The following DCC variants were observed in gnomAD, a reference collection of about 807,000 sequenced individuals.
The protein encoded by DCC is DCC netrin 1 receptor.
In DCC, 58 loss-of-function variants were observed where a neutral mutation model predicts 172.5. The ratio of observed to expected loss-of-function variants is 0.34; its 90% CI spans 0.27 to 0.42. The LOEUF (loss-of-function observed/expected upper bound fraction) is 0.42, where lower values mean the gene tolerates loss of function less well. Ranked by LOEUF, DCC falls within the 10% of genes least tolerant of loss-of-function variation. The probability of loss-of-function intolerance (pLI) is 1.00; values close to 1 mark genes in which losing one functional copy is unlikely to be tolerated. For synonymous variants in DCC, 709 were observed against 644.5 expected, an observed-to-expected ratio of 1.10 and a Z score of -1.52; for missense variants, 1,740 against 1,791.0, an observed-to-expected ratio of 0.97 and a Z score of 0.51.
chr18:52,611,136 C>T (rs1351265110), intron 1 of DCC, among the ~76,000 whole-genome samples: 1 of 152,104 alleles, frequency 6.6e-6, no homozygotes, highest in Admixed American at 6.5e-5. Flanking sequence ...TCAGTGACCC[C>T]CCCCTCCTGA....
At chr18:53,002,449 A>T (rs1430058519) in intron 5 of DCC, among the ~76,000 whole-genome samples, 1 of 152,140 alleles carries the variant, frequency 6.6e-6, no homozygotes, top group Non-Finnish European at 1.5e-5. Flanking sequence ...GGTTAAGGTG[A>T]CACTGCTGCA....
intron 7 of DCC, among the ~76,000 whole-genome samples, chr18:53,071,931 C>G (rs538457631): frequency 2.6e-5 from 4 of 152,012 alleles, no homozygotes; most frequent in Non-Finnish European, 5.9e-5. Flanking sequence ...GAGTTTGAGA[C>G]CAAACTGGCC....
chr18:53,443,744 G>A (rs1016936540), intron 22 of DCC, among the ~76,000 whole-genome samples: 1 of 152,194 alleles, frequency 6.6e-6, no homozygotes, highest in African/African-American at 2.4e-5. Context: ...ATGGGAAAAA[G>A]TCAAAATATT....
Position 53,482,294 on chromosome 18 carries a change from TAATG to T in DCC, c.3737-4500_3737-4497del, listed in dbSNP as rs148323250. 1.7e-3 allele frequency among the ~76,000 whole-genome samples: 256 copies of T among 152,266 alleles called. 2 individuals carry two copies. The highest frequency in any genetic ancestry group is 6.0e-3 in the African/African-American group (250 of 41,584). The stretch of plus-strand genomic sequence containing the variant: ...GGCTATTCTATCTGATGTCACAAAA[TAATG>T]AACACTTTTGAGATGCAGAAACATA... On this transcript the variant is annotated intron_variant, in intron 25 of 28. Transcript: ENST00000442544.
intron 25 of DCC, among the ~76,000 whole-genome samples, chr18:53,471,753 T>C (rs972401259): frequency 4.6e-5 from 7 of 152,148 alleles, no homozygotes; most frequent in African/African-American, 1.4e-4. Context: ...CCCCATTTCT[T>C]TCAGGTCTCT....
At chr18:52,408,240 T>G (rs1031971498) in intron 1 of DCC, among the ~76,000 whole-genome samples, 1 of 152,052 alleles carries the variant, frequency 6.6e-6, no homozygotes, top group Non-Finnish European at 1.5e-5. Flanking sequence ...AAAATCCAGA[T>G]TTTTTTAAGA....
At chr18:53,300,962 A>ATTCT (rs372885437) in intron 12 of DCC, among the ~76,000 whole-genome samples, 3,006 of 120,288 alleles carry the variant, frequency 0.025, 160 homozygotes, top group African/African-American at 0.08. Flanking sequence ...TTCTGGATTC[A>ATTCT]TTCTTTCTTT....
At chr18:53,346,424 T>C (rs997036507) in intron 15 of DCC, among the ~76,000 whole-genome samples, 7 of 152,184 alleles carry the variant, frequency 4.6e-5, no homozygotes, top group African/African-American at 1.7e-4. Context: ...TTTTAGACAT[T>C]TGAATTTTAT....
At chr18:53,440,711 G>C (rs1205067765) in intron 22 of DCC, among the ~76,000 whole-genome samples, 1 of 152,028 alleles carries the variant, frequency 6.6e-6, no homozygotes, top group Non-Finnish European at 1.5e-5. Context: ...AAGATAACTA[G>C]AGTAATCTGA....
chr18:53,338,580 G>A (rs1350950852), intron 14 of DCC, among the ~76,000 whole-genome samples: 4 of 152,158 alleles, frequency 2.6e-5, no homozygotes, highest in East Asian at 1.9e-4. Flanking sequence ...TAGCCTGGGC[G>A]ACAGAGTGAG....
At chr18:52,880,509 C>T (rs1373033874) in intron 2 of DCC, among the ~76,000 whole-genome samples, 2 of 152,142 alleles carry the variant, frequency 1.3e-5, no homozygotes, top group Non-Finnish European at 2.9e-5. Flanking sequence ...CCCCTGAAAC[C>T]CCTACTACCT....
chr18:53,053,200 A>G (rs2042357867), intron 5 of DCC, among the ~76,000 whole-genome samples: 1 of 151,846 alleles, frequency 6.6e-6, no homozygotes, highest in Non-Finnish European at 1.5e-5. Context: ...GAAAAGGAAA[A>G]CTTGGGGCTA....
intron 7 of DCC, among the ~76,000 whole-genome samples, chr18:53,154,727 C>T (rs1309885449): frequency 1.3e-5 from 2 of 152,036 alleles, no homozygotes; most frequent in Non-Finnish European, 2.9e-5. Context: ...AGTCAGGAAT[C>T]AAGGATGGGC....
intron 21 of DCC, among the ~76,000 whole-genome samples, chr18:53,428,337 G>A (rs1318083483): frequency 2.2e-3 from 111 of 50,614 alleles, no homozygotes; most frequent in African/African-American, 2.7e-3. Context: ...ATAATATATT[G>A]TATATAATAT....
intron 5 of DCC, among the ~76,000 whole-genome samples, chr18:53,041,756 G>A (rs2144000239): frequency 6.6e-6 from 1 of 151,962 alleles, no homozygotes; most frequent in East Asian, 1.9e-4. Flanking sequence ...ATTCCTAGTT[G>A]TATTTTATTC....
At chr18:52,592,790 C>T (rs779281001) in intron 1 of DCC, among the ~76,000 whole-genome samples, 4 of 152,126 alleles carry the variant, frequency 2.6e-5, no homozygotes, top group Admixed American at 1.3e-4. Context: ...TGTGCTTCCA[C>T]GCCCATCTAA....
At chr18:52,943,190 G>GATAGAAAT (rs2040490447) in intron 5 of DCC, among the ~76,000 whole-genome samples, 1 of 152,164 alleles carries the variant, frequency 6.6e-6, no homozygotes, top group South Asian at 2.1e-4. Flanking sequence ...ACTTTAGACT[G>GATAGAAAT]ATAGAAATAG....
At chr18:53,463,963 C>G (rs1479773224) in intron 24 of DCC, among the ~76,000 whole-genome samples, 1 of 152,156 alleles carries the variant, frequency 6.6e-6, no homozygotes, top group Non-Finnish European at 1.5e-5. Flanking sequence ...ACTCATTCTT[C>G]CCTACTGCTG....
chr18:52,987,278 C>A (rs1240817439), intron 5 of DCC, among the ~76,000 whole-genome samples: 7 of 152,158 alleles, frequency 4.6e-5, no homozygotes, highest in Admixed American at 2.6e-4. Flanking sequence ...ACAGCCCATG[C>A]ACAATGGCTA....
Sources: allele counts gnomAD v4.1 joint callset (sites outside exome capture counted in the v4.1 genomes callset), GRCh38; gene constraint gnomAD v4.1.1; transcripts MANE v1.5; gene names NCBI Gene and HGNC (gene_info 2026-07-23, HGNC 2026-07-21).